The following GALNTL5 variants were observed in gnomAD, a reference collection of about 807,000 sequenced individuals.
GALNTL5 encodes inactive polypeptide N-acetylgalactosaminyltransferase-like protein 5.
Under a neutral mutation model 51.0 loss-of-function variants are expected in GALNTL5, and 44 were observed. The ratio of observed to expected loss-of-function variants is 0.86; its 90% CI spans 0.68 to 1.11. The LOEUF (loss-of-function observed/expected upper bound fraction) is 1.11. GALNTL5 is among the 50% of genes least tolerant of loss of function. The probability of loss-of-function intolerance (pLI) is 0.00; values close to 1 mark genes in which losing one functional copy is unlikely to be tolerated. For missense variants in GALNTL5, 528 were observed against 531.8 expected (o/e 0.99, Z 0.07); for synonymous variants, 192 against 182.8 (o/e 1.05, Z -0.41).
intron 5 of GALNTL5, among the ~76,000 whole-genome samples, chr7:152,001,101 C>CTG (rs145011579): frequency 0.031 from 4,632 of 150,196 alleles, 256 homozygotes; most frequent in African/African-American, 0.11. Context: ...TTAATAGAGA[C>CTG]GGGGTTTCGC....
At chr7:152,014,900 CATT>C (rs757767013) in intron 8 of GALNTL5, 107 bp downstream of exon 8, 15 of 1,044,262 alleles carry the variant, frequency 1.4e-5, no homozygotes, top group Non-Finnish European at 1.9e-5. Context: ...TTCTGGAGGT[CATT>C]ATCCTAAGCA....
chr7:152,000,713 C>T (rs1043492515), intron 5 of GALNTL5, among the ~76,000 whole-genome samples: 3 of 152,090 alleles, frequency 2.0e-5, no homozygotes, highest in African/African-American at 7.2e-5. Flanking sequence ...GCCATTTATA[C>T]GTCTTTGCAA....
In GALNTL5 at chr7:151,975,250, A is replaced by C. The variant is rs1408886960; in HGVS notation, c.368+4185A>C. On this transcript the variant is annotated intron_variant, in intron 3 of 8. Coordinates refer to ENST00000392800, the MANE Select transcript of GALNTL5 (RefSeq NM_145292.4). ...TATTCCTGATTGAATGCCCTTACTCATTTTTAGTCTGTTCAGATTTTCAGT... is the reference window on the plus strand; with the variant it reads ...TATTCCTGATTGAATGCCCTTACTCCTTTTTAGTCTGTTCAGATTTTCAGT... Among the ~76,000 whole-genome samples, 84 of 151,934 alleles carry C rather than the reference A, an allele frequency of 5.5e-4. 1 individual carries two copies. Among genetic ancestry groups the C allele is most frequent in the Non-Finnish European group, 2.9e-5 (2 of 67,940 alleles).
chr7:152,011,016 G>C (rs1343283886), intron 7 of GALNTL5, among the ~76,000 whole-genome samples: 1 of 152,082 alleles, frequency 6.6e-6, no homozygotes. Flanking sequence ...AAACCTGTAA[G>C]GTAAGTACCA....
At chr7:152,001,372 T>C (rs1417706967) in intron 5 of GALNTL5, among the ~76,000 whole-genome samples, 3 of 152,196 alleles carry the variant, frequency 2.0e-5, no homozygotes, top group Non-Finnish European at 4.4e-5. Context: ...TGCTTATGTT[T>C]CCTTCTGAGT....
intron 4 of GALNTL5, chr7:151,984,287 C>G (rs1179115006): frequency 6.6e-6 from 1 of 152,128 alleles, no homozygotes; most frequent in Non-Finnish European, 1.5e-5. Context: ...AATTACTCAC[C>G]TAATTTACAA....
chr7:151,967,154 T>G (rs1226244962), intron 1 of GALNTL5, 54 bp from the exon 2 acceptor site: 1 of 1,152,928 alleles, frequency 8.7e-7, no homozygotes, highest in Non-Finnish European at 1.2e-6. Context: ...AAGTAGGTGA[T>G]CTACAAACCA....
intron 1 of GALNTL5, chr7:151,960,312 T>G (rs1432930410): frequency 6.6e-6 from 1 of 152,298 alleles, no homozygotes; most frequent in Non-Finnish European, 1.5e-5. Flanking sequence ...CCAGTGAGAT[T>G]TTAACAAGCA....
chr7:151,962,620 T>TGCTG (rs2081006803), intron 1 of GALNTL5, among the ~76,000 whole-genome samples: 1 of 150,854 alleles, frequency 6.6e-6, no homozygotes, highest in Admixed American at 6.6e-5. Context: ...TTTGTTTGTT[T>TGCTG]GTTTAATAGA....
At chr7:152,016,225 AG>A (rs1348169977) in intron 8 of GALNTL5, among the ~76,000 whole-genome samples, 2 of 151,900 alleles carry the variant, frequency 1.3e-5, no homozygotes, top group Non-Finnish European at 2.9e-5. Context: ...ACCAACATGG[AG>A]AAACGCCATC....
chr7:151,978,886 A>T (rs942827471), intron 3 of GALNTL5, among the ~76,000 whole-genome samples: 4 of 152,138 alleles, frequency 2.6e-5, no homozygotes, highest in African/African-American at 9.7e-5. Context: ...CACCTTACTA[A>T]TTATCTCTAC....
chr7:151,959,375 A>G (rs928692593), intron 1 of GALNTL5, among the ~76,000 whole-genome samples: 1 of 152,120 alleles, frequency 6.6e-6, no homozygotes, highest in African/African-American at 2.4e-5. Context: ...TTCTCTTTTC[A>G]GGCGTCCTAA....
rs781053551 is a variant in GALNTL5 at position 152,007,975 on chromosome 7, T to C, written c.1026+31T>C. 4.2e-6 allele frequency: 5 copies of C among 1,195,298 alleles called. 1 individual carries two copies. Among genetic ancestry groups the C allele is most frequent in the South Asian group, 3.8e-5 (3 of 79,932 alleles). The allele number at this position is 1,195,298 out of a possible 1,614,324, so 74.0% of individuals were successfully genotyped here. A position where few individuals can be genotyped will look rare whatever the true frequency, so the allele number is the denominator to read the frequency against. On this transcript the variant is annotated intron_variant, in intron 7 of 8. Coordinates refer to ENST00000392800, the MANE Select transcript of GALNTL5 (RefSeq NM_145292.4). ...TCAGATTTCATTTTTAAAATAGCTA[T>C]AGAGAGTGAAACCTAACTTTGTCAC...
intron 2 of GALNTL5, among the ~76,000 whole-genome samples, chr7:151,969,602 C>T (rs1260677325): frequency 6.6e-6 from 1 of 151,904 alleles, no homozygotes; most frequent in Non-Finnish European, 1.5e-5. Flanking sequence ...CACCATCTTC[C>T]CGGATGTCGC....
intron 1 of GALNTL5, among the ~76,000 whole-genome samples, chr7:151,958,866 G>A (rs1280501000): frequency 6.6e-6 from 1 of 152,202 alleles, no homozygotes; most frequent in Non-Finnish European, 1.5e-5. Context: ...CACAAGAGGG[G>A]ATCCAAAGTG....
chr7:151,970,863 TTTGGTTA>T, intron 2 of GALNTL5, 75 bp from the exon 3 acceptor site: 1 of 1,153,330 alleles, frequency 8.7e-7, no homozygotes, highest in Non-Finnish European at 1.2e-6. Context: ...AAAAAATTGT[TTTGGTTA>T]TTCTAGATCT....
intron 3 of GALNTL5, among the ~76,000 whole-genome samples, chr7:151,976,155 G>A (rs2081202574): frequency 6.6e-6 from 1 of 152,188 alleles, no homozygotes; most frequent in Admixed American, 6.5e-5. Context: ...GTACATAGTT[G>A]TAAGTGGGGT....
chr7:151,987,022 TG>T, intron 4 of GALNTL5, 136 bp from the exon 5 acceptor site: 1 of 669,328 alleles, frequency 1.5e-6, no homozygotes, highest in Non-Finnish European at 2.3e-6. Context: ...ACACCACACC[TG>T]GCCCCAAAAT....
Position 152,002,944 on chromosome 7 carries a change from G to A in GALNTL5, c.889G>A (p.Gly297Arg). Residue 297 changes from glycine to arginine, a missense_variant, in exon 6 of 9, where the codon GGA becomes AGA. Gly to Arg is a moderately radical substitution (Grantham distance 125, BLOSUM62 -2). Coordinates refer to ENST00000392800, the MANE Select transcript of GALNTL5 (RefSeq NM_145292.4). The part of the protein sequence containing the change: ...VFSYEMDGPE[G>R]STKPIRSPAM... ...CTCTTATGAGATGGATGGACCAGAA[G>A]GATCTACTAAACCAATCCGGTGAGA... The A allele has an allele frequency of 6.2e-7, 1 of 1,614,028 alleles. No homozygotes were observed. Among genetic ancestry groups the A allele is most frequent in the Non-Finnish European group, 8.5e-7 (1 of 1,179,926 alleles).
Sources: gnomAD v4.1 joint callset for allele counts (sites outside exome capture counted in the v4.1 genomes callset) on GRCh38, gnomAD v4.1.1 for gene constraint, MANE v1.5 for transcripts, NCBI Gene and HGNC (gene_info 2026-07-23, HGNC 2026-07-21) for gene names.